The following ZDHHC2 variants were observed in gnomAD, a reference collection of about 807,000 sequenced individuals.
The protein encoded by ZDHHC2 is zDHHC palmitoyltransferase 2, also known as palmitoyltransferase ZDHHC2.
Under a neutral mutation model 55.6 loss-of-function variants are expected in ZDHHC2, and 51 were observed. The ratio of observed to expected loss-of-function variants is 0.92; its 90% CI spans 0.73 to 1.16. The LOEUF (loss-of-function observed/expected upper bound fraction) is 1.16. Among genes scored for constraint, ZDHHC2 ranks in the 50% most tolerant of loss-of-function variants. ZDHHC2 has a pLI of 0.00. For missense variants in ZDHHC2, 491 were observed against 442.4 expected, an observed-to-expected ratio of 1.11 and a Z score of -0.99; for synonymous variants, 199 against 152.9, an observed-to-expected ratio of 1.30 and a Z score of -2.22.
intron 8 of ZDHHC2, among the ~76,000 whole-genome samples, chr8:17,209,078 C>A (rs1195233033): frequency 6.6e-6 from 1 of 152,076 alleles, no homozygotes; most frequent in Non-Finnish European, 1.5e-5. Context: ...TGTATTTCAG[C>A]ATGATTCAAG....
intron 1 of ZDHHC2, among the ~76,000 whole-genome samples, 180 bp downstream of exon 1, chr8:17,157,033 C>T (rs1199911891): frequency 2.0e-5 from 3 of 152,114 alleles, no homozygotes; most frequent in Non-Finnish European, 4.4e-5. Flanking sequence ...CACGCGCACG[C>T]CCCTCGCCCT....
chr8:17,162,385 T>G (rs910736470), intron 1 of ZDHHC2, among the ~76,000 whole-genome samples: 1 of 152,184 alleles, frequency 6.6e-6, no homozygotes, highest in East Asian at 1.9e-4. Context: ...AGGCTTATTA[T>G]GGAAAAGTTC....
chr8:17,189,802 T>C (rs1418947198), intron 3 of ZDHHC2, among the ~76,000 whole-genome samples: 4 of 152,168 alleles, frequency 2.6e-5, no homozygotes, highest in Non-Finnish European at 5.9e-5. Flanking sequence ...TCAGGCTTCA[T>C]TGTGTGATTT....
intron 6 of ZDHHC2, among the ~76,000 whole-genome samples, chr8:17,199,742 C>T (rs1180427455): frequency 6.8e-5 from 10 of 146,500 alleles, no homozygotes; most frequent in Non-Finnish European, 9.0e-5. Flanking sequence ...TTTCCTTCTT[C>T]GTCCTTCTTC....
In ZDHHC2 at chr8:17,173,264, A is replaced by G. The variant is rs532289165; in HGVS notation, c.131-11525A>G. 3.3e-5 allele frequency among the ~76,000 whole-genome samples: 5 copies of G among 152,360 alleles called. No homozygotes were observed. The East Asian group carries it at 9.7e-4, about 29-fold the overall frequency. Reference sequence around the variant, plus strand: ...AACAGGCCTATATGTAGATCCCATCATGACTTGGATGACGTTAGAAGTTAT... The same window carrying G: ...AACAGGCCTATATGTAGATCCCATCGTGACTTGGATGACGTTAGAAGTTAT... On this transcript the variant is annotated intron_variant, in intron 1 of 12. Transcript: ENST00000262096.
intron 1 of ZDHHC2, among the ~76,000 whole-genome samples, chr8:17,159,517 T>A (rs904709169): frequency 1.3e-5 from 2 of 152,214 alleles, no homozygotes; most frequent in Admixed American, 1.3e-4. Flanking sequence ...TATCCTGGTA[T>A]CCTTGGAAAC....
chr8:17,157,029 C>T (rs1010814286), intron 1 of ZDHHC2, among the ~76,000 whole-genome samples, 176 bp downstream of exon 1: 6 of 152,066 alleles, frequency 3.9e-5, no homozygotes, highest in African/African-American at 1.4e-4. Flanking sequence ...CTTCCACGCG[C>T]ACGCCCCTCG....
intron 1 of ZDHHC2, among the ~76,000 whole-genome samples, chr8:17,162,476 C>G (rs987442407): frequency 1.3e-5 from 2 of 152,114 alleles, no homozygotes; most frequent in African/African-American, 4.8e-5. Context: ...TAAACAGAAG[C>G]TGACGGGATG....
At chr8:17,214,114 C>A (rs80119435) in intron 10 of ZDHHC2, among the ~76,000 whole-genome samples, 2,702 of 151,918 alleles carry the variant, frequency 0.018, 123 homozygotes, top group Admixed American at 0.1. Context: ...AATACTGTTA[C>A]AATTACTATT....
At chr8:17,200,002 G>A (rs1044039377) in intron 6 of ZDHHC2, among the ~76,000 whole-genome samples, 15 of 151,822 alleles carry the variant, frequency 9.9e-5, no homozygotes, top group South Asian at 2.1e-4. Flanking sequence ...TGATCCGCCC[G>A]CCTTGGCCTC....
chr8:17,161,344 A>G (rs1804333853), intron 1 of ZDHHC2, among the ~76,000 whole-genome samples: 1 of 152,200 alleles, frequency 6.6e-6, no homozygotes, highest in Non-Finnish European at 1.5e-5. Context: ...TACTTTAAAA[A>G]CTGTGTAGGA....
intron 1 of ZDHHC2, among the ~76,000 whole-genome samples, chr8:17,160,811 A>G (rs892956915): frequency 2.6e-5 from 4 of 152,226 alleles, no homozygotes; most frequent in East Asian, 1.9e-4. Context: ...CAACTCTGCT[A>G]TCTTAGAGAG....
At chr8:17,215,202 ATGATGATTT>A (rs1563171377) in intron 10 of ZDHHC2, 26 bp from the exon 11 acceptor site, 3 of 1,520,514 alleles carry the variant, frequency 2.0e-6, no homozygotes, top group Non-Finnish European at 2.7e-6. Flanking sequence ...AAATTAGCTT[ATGATGATTT>A]TGATGATTAT....
chr8:17,161,200 C>T (rs1417234567), intron 1 of ZDHHC2, among the ~76,000 whole-genome samples: 1 of 152,228 alleles, frequency 6.6e-6, no homozygotes, highest in Non-Finnish European at 1.5e-5. Flanking sequence ...AGGATAGAGA[C>T]TGCTGGGGCT....
chr8:17,207,465 A>T (rs1279729274), intron 7 of ZDHHC2, among the ~76,000 whole-genome samples: 1 of 152,172 alleles, frequency 6.6e-6, no homozygotes, highest in Non-Finnish European at 1.5e-5. Flanking sequence ...ATGTGTTGTT[A>T]TATGTATTCA....
intron 1 of ZDHHC2, among the ~76,000 whole-genome samples, chr8:17,173,021 C>T (rs1431294214): frequency 1.3e-5 from 2 of 152,132 alleles, no homozygotes; most frequent in East Asian, 1.9e-4. Flanking sequence ...GTTGGTGGAG[C>T]AAGGGTGACC....
chr8:17,168,269 C>T (rs1054764777), intron 1 of ZDHHC2, among the ~76,000 whole-genome samples: 3 of 152,166 alleles, frequency 2.0e-5, no homozygotes, highest in African/African-American at 4.8e-5. Flanking sequence ...GCTTAGCATG[C>T]GGAAATGCCT....
intron 1 of ZDHHC2, among the ~76,000 whole-genome samples, chr8:17,166,984 G>A (rs1340645087): frequency 6.6e-6 from 1 of 152,156 alleles, no homozygotes; most frequent in Non-Finnish European, 1.5e-5. Flanking sequence ...TACCCTGTTA[G>A]GCAAGCTTAA....
At chr8:17,171,712 G>A (rs2705188) in intron 1 of ZDHHC2, among the ~76,000 whole-genome samples, 149,557 of 151,806 alleles carry the variant, frequency 0.99, 73,720 homozygotes, top group East Asian at 1. Flanking sequence ...ATTCCGCCAC[G>A]TGTGACAACA....
Sources: gnomAD v4.1 joint callset for allele counts (sites outside exome capture counted in the v4.1 genomes callset) on GRCh38, gnomAD v4.1.1 for gene constraint, MANE v1.5 for transcripts, NCBI Gene and HGNC (gene_info 2026-07-23, HGNC 2026-07-21) for gene names.